PHLDB2: variants seen among roughly 807,000 people sequenced by gnomAD.
PHLDB2 encodes the protein pleckstrin homology-like domain family B member 2.
PHLDB2 carries 71 observed loss-of-function variants against 123.6 expected under a neutral mutation model. That is an observed-to-expected ratio of 0.57 (90% CI 0.47 to 0.70). The LOEUF (loss-of-function observed/expected upper bound fraction) is 0.70. Ranked by LOEUF, PHLDB2 falls within the 30% of genes least tolerant of loss-of-function variation. The pLI, the probability that PHLDB2 is intolerant of heterozygous loss-of-function variation, is 0.00. For synonymous variants in PHLDB2, 547 were observed against 541.6 expected (o/e 1.01, Z -0.14); for missense variants, 1,446 against 1,519.5 (o/e 0.95, Z 0.80).
At chr3:111,739,593 CAAACAAA>C (rs2059566844) in intron 1 of PHLDB2, among the ~76,000 whole-genome samples, 1 of 115,844 alleles carries the variant, frequency 8.6e-6, no homozygotes. Context: ...AAAAACAAAA[CAAACAAA>C]AAAAAAAAAC....
intron 10 of PHLDB2, among the ~76,000 whole-genome samples, chr3:111,952,235 G>C (rs967434629): frequency 1.3e-5 from 2 of 152,188 alleles, no homozygotes; most frequent in African/African-American, 4.8e-5. Flanking sequence ...AGGGGAGAAA[G>C]TGCTTACGTG....
chr3:111,792,645 T>C (rs1250022018), intron 1 of PHLDB2, among the ~76,000 whole-genome samples: 3 of 152,092 alleles, frequency 2.0e-5, no homozygotes, highest in African/African-American at 7.2e-5. Context: ...AATTTGAAGC[T>C]TTAGTGAGCC....
intron 2 of PHLDB2, among the ~76,000 whole-genome samples, chr3:111,851,862 C>G (rs2064269483): frequency 6.6e-6 from 1 of 151,890 alleles, no homozygotes; most frequent in Non-Finnish European, 1.5e-5. Context: ...CCAGCTCAGG[C>G]GGCTGTATTA....
intron 3 of PHLDB2, chr3:111,914,414 G>C (rs145233627): frequency 6.6e-6 from 1 of 151,828 alleles, no homozygotes; most frequent in African/African-American, 2.4e-5. Flanking sequence ...ATATATCCAG[G>C]TGACACTTTG....
intron 1 of PHLDB2, among the ~76,000 whole-genome samples, chr3:111,780,413 A>AGAAGG: frequency 1.6e-5 from 2 of 126,778 alleles, no homozygotes; most frequent in Admixed American, 7.8e-5. Context: ...GAAGAAGAAA[A>AGAAGG]AGATTAGTTC....
At chr3:111,918,493 A>G (rs571958546) in intron 3 of PHLDB2, among the ~76,000 whole-genome samples, 1 of 152,322 alleles carries the variant, frequency 6.6e-6, no homozygotes, top group Non-Finnish European at 1.5e-5. Context: ...TGGCTCCCCA[A>G]AGTGATGTGC....
At chr3:111,901,782 G>A (rs1217335566) in intron 2 of PHLDB2, among the ~76,000 whole-genome samples, 2 of 152,110 alleles carry the variant, frequency 1.3e-5, no homozygotes, top group Admixed American at 1.3e-4. Context: ...TAACAGAATG[G>A]GCTCAGGCAC....
intron 1 of PHLDB2, among the ~76,000 whole-genome samples, chr3:111,816,401 C>T (rs567736086): frequency 1.3e-5 from 2 of 152,256 alleles, no homozygotes; most frequent in East Asian, 3.9e-4. Flanking sequence ...GCAGAGCTTC[C>T]CAAGACTATG....
intron 1 of PHLDB2, among the ~76,000 whole-genome samples, chr3:111,763,107 A>G (rs1032551176): frequency 4.6e-5 from 7 of 152,226 alleles, no homozygotes; most frequent in African/African-American, 1.7e-4. Context: ...ACTGAGCTTT[A>G]TGATCCTGCC....
At chr3:111,798,331 A>G (rs2061247599) in intron 1 of PHLDB2, among the ~76,000 whole-genome samples, 1 of 152,214 alleles carries the variant, frequency 6.6e-6, no homozygotes, top group Admixed American at 6.5e-5. Flanking sequence ...AATTTTTACC[A>G]TCATTCTAAA....
intron 1 of PHLDB2, among the ~76,000 whole-genome samples, chr3:111,871,693 C>T (rs973274239): frequency 1.3e-5 from 2 of 152,048 alleles, no homozygotes; most frequent in East Asian, 1.9e-4. Flanking sequence ...TTTGTTTCTT[C>T]GGTGTGTTTT....
chr3:111,867,053 C>T (rs1291059752), intron 1 of PHLDB2, among the ~76,000 whole-genome samples: 1 of 151,526 alleles, frequency 6.6e-6, no homozygotes, highest in Non-Finnish European at 1.5e-5. Flanking sequence ...TTTGGGCACG[C>T]AGTGGTGACA....
chr3:111,915,764 C>T (rs1030681624), intron 3 of PHLDB2: 2 of 152,138 alleles, frequency 1.3e-5, no homozygotes, highest in Non-Finnish European at 2.9e-5. Context: ...CCATGTTTAC[C>T]TTACTAATTC....
At chr3:111,774,727 G>A (rs1383574074) in intron 1 of PHLDB2, among the ~76,000 whole-genome samples, 1 of 152,080 alleles carries the variant, frequency 6.6e-6, no homozygotes, top group Non-Finnish European at 1.5e-5. Flanking sequence ...CAATTTACTA[G>A]GCCCCAAATT....
chr3:111,775,299 AC>A (rs1213127987), intron 1 of PHLDB2, among the ~76,000 whole-genome samples: 1 of 152,160 alleles, frequency 6.6e-6, no homozygotes, highest in Non-Finnish European at 1.5e-5. Flanking sequence ...AACATCGAGA[AC>A]CCAGGTCTAA....
intron 2 of PHLDB2, among the ~76,000 whole-genome samples, chr3:111,904,202 C>G (rs1343110115): frequency 7.5e-6 from 1 of 132,880 alleles, no homozygotes; most frequent in African/African-American, 2.8e-5. Flanking sequence ...TGCTTGGACC[C>G]AAGAGGTGGG....
intron 1 of PHLDB2, among the ~76,000 whole-genome samples, chr3:111,733,978 A>G (rs924317553): frequency 5.7e-4 from 87 of 152,136 alleles, no homozygotes; most frequent in Non-Finnish European, 6.8e-4. Flanking sequence ...ATTTTTGTCA[A>G]TCAGTTGTGG....
chr3:111,791,875 T>G (rs1357442733), intron 1 of PHLDB2, among the ~76,000 whole-genome samples: 1 of 152,218 alleles, frequency 6.6e-6, no homozygotes, highest in Admixed American at 6.5e-5. Context: ...TAAGTTATTG[T>G]TAACTATAGT....
chr3:111,811,243 C>T (rs1443402411), intron 1 of PHLDB2, among the ~76,000 whole-genome samples: 2 of 152,116 alleles, frequency 1.3e-5, no homozygotes, highest in Non-Finnish European at 2.9e-5. Flanking sequence ...AGCTTTATCC[C>T]ATTAAGGAAC....
Sources: gnomAD v4.1 joint callset for allele counts (sites outside exome capture counted in the v4.1 genomes callset) on GRCh38, gnomAD v4.1.1 for gene constraint, MANE v1.5 for transcripts, NCBI Gene and HGNC (gene_info 2026-07-23, HGNC 2026-07-21) for gene names.